PKP4: variants seen among roughly 807,000 people sequenced by gnomAD.
PKP4 encodes plakophilin-4.
A neutral mutation model predicts 145.1 loss-of-function variants in PKP4; 90 were observed. The observed-to-expected ratio is 0.62, with a 90% CI of 0.52 to 0.74. The LOEUF (loss-of-function observed/expected upper bound fraction) is 0.74. PKP4 is among the 30% of genes least tolerant of loss of function. The pLI is 0.00. For missense variants in PKP4, 1,340 were observed against 1,482.7 expected (o/e 0.90, Z 1.58); for synonymous variants, 563 against 577.2 (o/e 0.98, Z 0.35).
chr2:158,642,873 G>A (rs570502014), intron 11 of PKP4, among the ~76,000 whole-genome samples, 174 bp downstream of exon 11: 34 of 152,270 alleles, frequency 2.2e-4, no homozygotes, highest in South Asian at 2.1e-4. Flanking sequence ...GTCAGAAACC[G>A]TTTAGAATGC....
intron 2 of PKP4, among the ~76,000 whole-genome samples, chr2:158,551,765 T>C (rs1339839371): frequency 6.6e-6 from 1 of 152,236 alleles, no homozygotes; most frequent in Non-Finnish European, 1.5e-5. Flanking sequence ...TACTTATTCG[T>C]AAGTGAAAAA....
In PKP4 at chr2:158,640,906, TA is replaced by T. The variant is rs1196877588; in HGVS notation, c.1695+148del. The T allele has an allele frequency of 1.2e-5, 10 of 833,278 alleles. No individual in the cohort carries two copies. The African/African-American group carries it at 1.5e-4, about 13-fold the overall frequency. 51.6% of individuals were successfully genotyped at this position (833,278 alleles called of 1,614,324 possible). ...GATACCAGATACTCTTTCACTTAAC[TA>T]TGCATTTCAGTATCTCTCAGGAAAA... On this transcript the variant is annotated intron_variant, in intron 10 of 21. Transcript: ENST00000389759.
chr2:158,476,909 T>C (rs1358992626), intron 1 of PKP4, among the ~76,000 whole-genome samples: 1 of 152,134 alleles, frequency 6.6e-6, no homozygotes, highest in Non-Finnish European at 1.5e-5. Flanking sequence ...TCTAAAAGAA[T>C]TGGAATTAAT....
At chr2:158,648,849 A>C (rs1397273120) in intron 11 of PKP4, among the ~76,000 whole-genome samples, 2 of 152,074 alleles carry the variant, frequency 1.3e-5, no homozygotes, top group East Asian at 3.9e-4. Context: ...AAATACAAAA[A>C]TTAGCCAGGT....
At chr2:158,528,376 C>G (rs1237229983) in intron 1 of PKP4, among the ~76,000 whole-genome samples, 6 of 113,084 alleles carry the variant, frequency 5.3e-5, no homozygotes, top group Admixed American at 2.1e-4. Flanking sequence ...TCTCAGTAAA[C>G]TATCGCAAGA....
At chr2:158,494,519 C>G (rs2105474129) in intron 1 of PKP4, among the ~76,000 whole-genome samples, 1 of 152,202 alleles carries the variant, frequency 6.6e-6, no homozygotes, top group South Asian at 2.1e-4. Flanking sequence ...CATATTTAAA[C>G]TAGGTAATCA....
chr2:158,569,494 C>G (rs2047254067), intron 2 of PKP4, among the ~76,000 whole-genome samples: 1 of 152,180 alleles, frequency 6.6e-6, no homozygotes, highest in Admixed American at 6.5e-5. Flanking sequence ...TCAGCAGTTT[C>G]CATTTGAAGG....
At chr2:158,643,871 T>C (rs1371825827) in intron 11 of PKP4, among the ~76,000 whole-genome samples, 1 of 152,098 alleles carries the variant, frequency 6.6e-6, no homozygotes, top group African/African-American at 2.4e-5. Flanking sequence ...GTTCAAGCGA[T>C]TCTCTCGCCT....
intron 11 of PKP4, among the ~76,000 whole-genome samples, chr2:158,646,848 C>T (rs1196838266): frequency 6.6e-6 from 1 of 152,118 alleles, no homozygotes; most frequent in Admixed American, 6.5e-5. Flanking sequence ...ACAGGAAGCT[C>T]ATTACCTGGT....
intron 11 of PKP4, among the ~76,000 whole-genome samples, chr2:158,645,555 G>A (rs2054742635): frequency 6.6e-6 from 1 of 152,168 alleles, no homozygotes; most frequent in Non-Finnish European, 1.5e-5. Flanking sequence ...CAGCCAGGAG[G>A]GCTGCAGTCC....
At chr2:158,674,525 T>C (rs3755426) in intron 19 of PKP4, among the ~76,000 whole-genome samples, 7,357 of 152,244 alleles carry the variant, frequency 0.048, 467 homozygotes, top group East Asian at 0.2. Context: ...ACCTCCTTCC[T>C]CTGCAGACCC....
At chr2:158,507,464 C>A (rs1446108351) in intron 1 of PKP4, among the ~76,000 whole-genome samples, 2 of 152,144 alleles carry the variant, frequency 1.3e-5, no homozygotes, top group African/African-American at 4.8e-5. Flanking sequence ...GTCATGGCAA[C>A]CTGAGACTGT....
intron 1 of PKP4, among the ~76,000 whole-genome samples, chr2:158,479,599 C>G (rs907632697): frequency 1.3e-5 from 2 of 151,994 alleles, no homozygotes; most frequent in Admixed American, 1.3e-4. Flanking sequence ...TCTTATTAAG[C>G]TTCTATAGGC....
At chr2:158,534,216 T>C (rs1167289166) in intron 2 of PKP4, among the ~76,000 whole-genome samples, 1 of 152,218 alleles carries the variant, frequency 6.6e-6, no homozygotes, top group Non-Finnish European at 1.5e-5. Flanking sequence ...TGATGAATGA[T>C]GACGAAGATT....
chr2:158,460,625 C>A (rs1038344564), intron 1 of PKP4, among the ~76,000 whole-genome samples: 1 of 152,108 alleles, frequency 6.6e-6, no homozygotes, highest in African/African-American at 2.4e-5. Context: ...GTTTTTCTTT[C>A]TGTTTCAATT....
chr2:158,548,150 AAGG>A (rs1222026636), intron 2 of PKP4, among the ~76,000 whole-genome samples: 1 of 152,204 alleles, frequency 6.6e-6, no homozygotes, highest in Non-Finnish European at 1.5e-5. Flanking sequence ...GAAATAACAT[AAGG>A]AGCCTGTATT....
chr2:158,662,991 A>T lies in PKP4; in HGVS notation c.2306A>T (p.Asp769Val). Residue 769 changes from aspartate to valine, a missense_variant, in exon 14 of 22, where the codon GAT becomes GTT. Coordinates refer to ENST00000389759, the MANE Select transcript of PKP4 (RefSeq NM_003628.6). ...CGGTTACTGGGACTGAACGAATTGG[A>T]TGACTTACTAGGAAAAGAGTCTCCC... is the stretch of plus-strand genomic sequence containing the variant. ...QARLLGLNEL[D>V]DLLGKESPSK... 1 of 1,614,030 alleles carries T rather than the reference A, an allele frequency of 6.2e-7. No homozygotes were observed. Among genetic ancestry groups the T allele is most frequent in the Non-Finnish European group, 8.5e-7 (1 of 1,179,984 alleles).
intron 1 of PKP4, among the ~76,000 whole-genome samples, chr2:158,510,834 C>G (rs1451263254): frequency 6.6e-6 from 1 of 152,186 alleles, no homozygotes. Flanking sequence ...ACTGTGCCCC[C>G]CATTTGGGGA....
intron 1 of PKP4, among the ~76,000 whole-genome samples, chr2:158,482,169 A>T (rs561987419): frequency 6.6e-6 from 1 of 152,380 alleles, no homozygotes; most frequent in African/African-American, 2.4e-5. Flanking sequence ...TTCAGTAGCC[A>T]CGTATAGCTA....
Sources: gnomAD v4.1 joint callset for allele counts (sites outside exome capture counted in the v4.1 genomes callset) on GRCh38, gnomAD v4.1.1 for gene constraint, MANE v1.5 for transcripts, NCBI Gene and HGNC (gene_info 2026-07-23, HGNC 2026-07-21) for gene names.